The following TASP1 variants were observed in gnomAD, a reference collection of about 807,000 sequenced individuals.
TASP1 encodes taspase 1, also known as threonine aspartase 1.
Under a neutral mutation model 56.6 loss-of-function variants are expected in TASP1, and 16 were observed. The observed-to-expected ratio is 0.28, with a 90% CI of 0.19 to 0.43. TASP1 has a LOEUF of 0.43. Ranked by LOEUF, TASP1 falls within the 20% of genes least tolerant of loss-of-function variation. The pLI is 1.00. For missense variants in TASP1, 393 were observed against 511.6 expected, an observed-to-expected ratio of 0.77 and a Z score of 2.24; for synonymous variants, 179 against 184.2, an observed-to-expected ratio of 0.97 and a Z score of 0.23.
the TASP1 span, among the ~76,000 whole-genome samples, chr20:13,340,782 AC>A: frequency 1.3e-5 from 2 of 152,188 alleles, no homozygotes; most frequent in African/African-American, 4.8e-5. Context: ...CTGAAACATT[AC>A]AAATTTACCA....
intron 10 of TASP1, among the ~76,000 whole-genome samples, chr20:13,505,569 T>A (rs1296299787): frequency 6.6e-6 from 1 of 152,138 alleles, no homozygotes; most frequent in South Asian, 2.1e-4. Context: ...TCATACCAAG[T>A]CTTTCCCAGC....
chr20:13,345,024 G>A, the TASP1 span, among the ~76,000 whole-genome samples: 1 of 151,922 alleles, frequency 6.6e-6, no homozygotes, highest in Non-Finnish European at 1.5e-5. Context: ...CACCTCCCCA[G>A]CCTCCTCATG....
chr20:13,229,737 G>A, the TASP1 span, among the ~76,000 whole-genome samples: 1 of 152,054 alleles, frequency 6.6e-6, no homozygotes, highest in Non-Finnish European at 1.5e-5. Context: ...ATTCTTCTAG[G>A]GAAACTGACT....
intron 10 of TASP1, among the ~76,000 whole-genome samples, chr20:13,507,817 T>C (rs1601046715): frequency 6.6e-6 from 1 of 152,164 alleles, no homozygotes; most frequent in East Asian, 1.9e-4. Context: ...TCATGTGTCC[T>C]AACTTCAAAT....
chr20:13,466,602 G>A (rs1042354257), intron 11 of TASP1, among the ~76,000 whole-genome samples: 1 of 152,140 alleles, frequency 6.6e-6, no homozygotes, highest in East Asian at 1.9e-4. Flanking sequence ...TTAGCCAGGC[G>A]TGGTGGCATG....
intron 13 of TASP1, among the ~76,000 whole-genome samples, chr20:13,416,816 G>A (rs2042270103): frequency 6.6e-6 from 1 of 152,178 alleles, no homozygotes; most frequent in Non-Finnish European, 1.5e-5. Context: ...CAACCATCAT[G>A]AGTCCAGGGA....
chr20:13,357,085 A>T, the TASP1 span, among the ~76,000 whole-genome samples: 1 of 152,156 alleles, frequency 6.6e-6, no homozygotes, highest in African/African-American at 2.4e-5. Flanking sequence ...TCCTCATTCC[A>T]TGGAGTAGGG....
the TASP1 span, chr20:13,270,451 A>C: frequency 6.4e-7 from 1 of 1,555,722 alleles, no homozygotes; most frequent in East Asian, 2.4e-5. Flanking sequence ...TAAGGGTGAC[A>C]TTTTTTAATC....
At chr20:13,238,791 G>A in the TASP1 span, among the ~76,000 whole-genome samples, 1 of 152,124 alleles carries the variant, frequency 6.6e-6, no homozygotes, top group Admixed American at 6.5e-5. Context: ...ATCCTTTCAG[G>A]TTCACTCATG....
At chr20:13,324,927 C>T in the TASP1 span, among the ~76,000 whole-genome samples, 1 of 152,168 alleles carries the variant, frequency 6.6e-6, no homozygotes, top group African/African-American at 2.4e-5. Flanking sequence ...TACAAGGATC[C>T]CTAGCTTTGA....
chr20:13,209,054 A>G, the TASP1 span, among the ~76,000 whole-genome samples: 1 of 152,112 alleles, frequency 6.6e-6, no homozygotes, highest in African/African-American at 2.4e-5. Context: ...CGTAAACCTT[A>G]TATGTGCTTG....
At chr20:13,545,211 A>G (rs970312026) in intron 8 of TASP1, among the ~76,000 whole-genome samples, 3 of 152,238 alleles carry the variant, frequency 2.0e-5, no homozygotes, top group Admixed American at 6.5e-5. Context: ...TCGTTCCTCA[A>G]TAGATCTTAT....
intron 11 of TASP1, among the ~76,000 whole-genome samples, chr20:13,455,610 T>G (rs1392392767): frequency 2.0e-5 from 3 of 152,112 alleles, no homozygotes; most frequent in Non-Finnish European, 4.4e-5. Context: ...AATGCATTAC[T>G]CATTCTAAGA....
In TASP1 at chr20:13,489,609, G is replaced by A. The variant is rs1362980602; in HGVS notation, c.875-6272C>T. 3.3e-5 allele frequency among the ~76,000 whole-genome samples: 5 copies of A among 152,116 alleles called. No homozygotes were observed. In the East Asian group the frequency reaches 9.6e-4, roughly 29 times the overall value. ...GGAAAGGACAGACCTGAAAACCAAA[G>A]GGTACTGCTAGGTAGCCCGACTAGA... On this transcript the variant is annotated intron_variant, in intron 10 of 13. Coordinates refer to ENST00000337743, the MANE Select transcript of TASP1 (RefSeq NM_017714.3).
the TASP1 span, among the ~76,000 whole-genome samples, chr20:13,149,855 T>C: frequency 1.3e-5 from 2 of 152,192 alleles, no homozygotes; most frequent in Non-Finnish European, 2.9e-5. Context: ...CAATGATAGA[T>C]GAATCTTTAT....
At chr20:13,248,490 G>C in the TASP1 span, among the ~76,000 whole-genome samples, 113 of 152,268 alleles carry the variant, frequency 7.4e-4, no homozygotes, top group African/African-American at 2.6e-3. Flanking sequence ...GGAGAATCTT[G>C]AGTGTAGCAA....
the TASP1 span, among the ~76,000 whole-genome samples, chr20:13,210,970 A>G: frequency 4.6e-5 from 7 of 152,210 alleles, no homozygotes; most frequent in East Asian, 1.9e-4. Context: ...ACATTCTCCT[A>G]TGTGGCTCTG....
At chr20:13,488,138 C>T in intron 10 of TASP1, among the ~76,000 whole-genome samples, 1 of 151,974 alleles carries the variant, frequency 6.6e-6, no homozygotes, top group East Asian at 1.9e-4. Context: ...AAGAAGAAAG[C>T]ACTAATATTT....
At chr20:13,227,555 C>T in the TASP1 span, among the ~76,000 whole-genome samples, 1 of 146,512 alleles carries the variant, frequency 6.8e-6, no homozygotes. Context: ...GTCACCCAGG[C>T]TGGAGTGCAG....
Sources: allele counts gnomAD v4.1 joint callset (sites outside exome capture counted in the v4.1 genomes callset), GRCh38; gene constraint gnomAD v4.1.1; transcripts MANE v1.5; gene names NCBI Gene and HGNC (gene_info 2026-07-23, HGNC 2026-07-21).